The following THSD7B variants were observed in gnomAD, a reference collection of about 807,000 sequenced individuals.
THSD7B encodes thrombospondin type 1 domain containing 7B, also known as thrombospondin type-1 domain-containing protein 7B.
Under a neutral mutation model 213.6 loss-of-function variants are expected in THSD7B, and 138 were observed. That is an observed-to-expected ratio of 0.65 (90% CI 0.56 to 0.74). The LOEUF (loss-of-function observed/expected upper bound fraction) is 0.74, where lower values mean the gene tolerates loss of function less well. Ranked by LOEUF, THSD7B falls within the 30% of genes least tolerant of loss-of-function variation. The pLI, the probability that THSD7B is intolerant of heterozygous loss-of-function variation, is 0.00. For missense variants in THSD7B, 1,931 were observed against 1,991.5 expected (o/e 0.97, Z 0.58); for synonymous variants, 742 against 687.0 (o/e 1.08, Z -1.25).
intron 15 of THSD7B, among the ~76,000 whole-genome samples, chr2:137,522,539 T>C (rs1425586246): frequency 6.6e-6 from 1 of 152,162 alleles, no homozygotes; most frequent in Non-Finnish European, 1.5e-5. Context: ...TTTTTTTTTT[T>C]TCTTTTCCTT....
intron 4 of THSD7B, among the ~76,000 whole-genome samples, chr2:137,109,977 A>C (rs548988178): frequency 1.3e-5 from 2 of 151,956 alleles, no homozygotes; most frequent in Non-Finnish European, 2.9e-5. Flanking sequence ...GGTGCTGGGC[A>C]CTCTGCCTCC....
At chr2:137,235,148 T>C (rs1429841106) in intron 9 of THSD7B, among the ~76,000 whole-genome samples, 2 of 152,176 alleles carry the variant, frequency 1.3e-5, no homozygotes, top group African/African-American at 4.8e-5. Context: ...TACGCAGACA[T>C]GAGAACTCCT....
intron 14 of THSD7B, among the ~76,000 whole-genome samples, chr2:137,448,684 A>C (rs1480617483): frequency 1.3e-5 from 2 of 152,134 alleles, no homozygotes; most frequent in African/African-American, 4.8e-5. Context: ...CTGTAGTCCC[A>C]GCTACTCGGG....
intron 20 of THSD7B, among the ~76,000 whole-genome samples, chr2:137,624,776 T>C (rs1383277790): frequency 1.3e-5 from 2 of 152,170 alleles, no homozygotes; most frequent in East Asian, 3.9e-4. Flanking sequence ...CACAATGAGA[T>C]ACCATCTCAC....
chr2:136,786,037 A>C (rs1055428075), intron 1 of THSD7B, among the ~76,000 whole-genome samples: 6 of 152,212 alleles, frequency 3.9e-5, no homozygotes, highest in African/African-American at 1.4e-4. Flanking sequence ...AAACAAACTC[A>C]AGGCTGTAAT....
chr2:137,438,564 G>T (rs1202181993), intron 14 of THSD7B, among the ~76,000 whole-genome samples: 1 of 152,032 alleles, frequency 6.6e-6, no homozygotes, highest in East Asian at 1.9e-4. Flanking sequence ...CAACAAAACT[G>T]TATTTACAAA....
chr2:136,851,643 G>GT (rs1339217508), intron 1 of THSD7B, among the ~76,000 whole-genome samples: 1 of 152,080 alleles, frequency 6.6e-6, no homozygotes, highest in Non-Finnish European at 1.5e-5. Flanking sequence ...TGCCTCTACT[G>GT]TTTTTTGAAC....
intron 3 of THSD7B, among the ~76,000 whole-genome samples, chr2:137,075,136 G>A (rs915336292): frequency 1.3e-5 from 2 of 152,090 alleles, no homozygotes; most frequent in South Asian, 4.1e-4. Context: ...TTGGCCTGCT[G>A]TGCCAGATTG....
intron 12 of THSD7B, among the ~76,000 whole-genome samples, chr2:137,385,129 C>T (rs1231619092): frequency 6.6e-6 from 1 of 152,132 alleles, no homozygotes; most frequent in Non-Finnish European, 1.5e-5. Flanking sequence ...CAGGTGCCAT[C>T]TTGGGAGAAG....
chr2:137,229,820 A>G (rs1681597779), intron 7 of THSD7B, among the ~76,000 whole-genome samples: 1 of 152,170 alleles, frequency 6.6e-6, no homozygotes, highest in African/African-American at 2.4e-5. Context: ...GTTTCTTGTG[A>G]GGACTCAATA....
At chr2:137,119,534 G>A (rs1231038882) in intron 5 of THSD7B, among the ~76,000 whole-genome samples, 1 of 152,118 alleles carries the variant, frequency 6.6e-6, no homozygotes, top group Non-Finnish European at 1.5e-5. Flanking sequence ...TAAGGTGTGG[G>A]AGAACACATG....
chr2:137,176,406 G>A (rs1680357752), intron 7 of THSD7B, among the ~76,000 whole-genome samples: 1 of 152,174 alleles, frequency 6.6e-6, no homozygotes, highest in East Asian at 1.9e-4. Flanking sequence ...TATTTGTGTA[G>A]GAAGACTCCC....
intron 15 of THSD7B, among the ~76,000 whole-genome samples, chr2:137,560,805 T>C (rs1390109104): frequency 1.3e-5 from 2 of 152,028 alleles, no homozygotes; most frequent in Non-Finnish European, 2.9e-5. Context: ...CAGCCCACCA[T>C]GTGTCCCTAA....
chr2:137,320,685 C>A (rs1184306826), intron 12 of THSD7B, among the ~76,000 whole-genome samples: 2 of 152,164 alleles, frequency 1.3e-5, no homozygotes, highest in African/African-American at 4.8e-5. Flanking sequence ...ATCCACTAAC[C>A]ATCTAAAAAG....
At chr2:137,418,913 C>CT (rs112003243) in intron 14 of THSD7B, among the ~76,000 whole-genome samples, 92,166 of 149,330 alleles carry the variant, frequency 0.62, 30,205 homozygotes, top group East Asian at 0.84. Context: ...ATATGTCTCA[C>CT]TTTTTTTTTT....
rs116173732 is a variant in THSD7B at position 137,525,776 on chromosome 2, A to G, written c.3139-37445A>G. ...GAGCTGCTGGTGAGTTCACACATTT[A>G]TAAGTGTTTAATGAGTCAGAGGGGG... On this transcript the variant is annotated intron_variant, in intron 15 of 27. Coordinates refer to ENST00000409968, the MANE Select transcript of THSD7B (RefSeq NM_001316349.2). 3.5e-3 allele frequency among the ~76,000 whole-genome samples: 527 copies of G among 152,272 alleles called. 3 individuals are homozygous for G. The highest frequency in any genetic ancestry group is 0.01 in the African/African-American group (427 of 41,578).
intron 17 of THSD7B, among the ~76,000 whole-genome samples, chr2:137,598,989 C>T (rs1682022587): frequency 1.3e-5 from 2 of 149,560 alleles, no homozygotes; most frequent in Admixed American, 1.3e-4. Flanking sequence ...CCCACTAACT[C>T]GTCATCTAGC....
chr2:137,294,078 C>T (rs1228367085), intron 12 of THSD7B, among the ~76,000 whole-genome samples: 1 of 152,114 alleles, frequency 6.6e-6, no homozygotes, highest in African/African-American at 2.4e-5. Flanking sequence ...TTTCAATAAA[C>T]AGTTCTCTGC....
intron 12 of THSD7B, among the ~76,000 whole-genome samples, chr2:137,360,388 G>T (rs115926891): frequency 1.3e-5 from 2 of 152,096 alleles, no homozygotes; most frequent in Non-Finnish European, 2.9e-5. Flanking sequence ...CCCTACGGAG[G>T]GTGAGCTGAA....
Sources: gnomAD v4.1 joint callset for allele counts (sites outside exome capture counted in the v4.1 genomes callset) on GRCh38, gnomAD v4.1.1 for gene constraint, MANE v1.5 for transcripts, NCBI Gene and HGNC (gene_info 2026-07-23, HGNC 2026-07-21) for gene names.